Variants in PCDH9 observed in about 807,000 individuals in gnomAD.
PCDH9 encodes the protein protocadherin 9, also known as protocadherin-9.
In PCDH9, 24 loss-of-function variants were observed where a neutral mutation model predicts 70.6. The observed-to-expected ratio is 0.34, with a 90% CI of 0.25 to 0.48. PCDH9 has a LOEUF of 0.48. Among genes scored for constraint, PCDH9 ranks in the 20% least tolerant of loss-of-function variants. The pLI, the probability that PCDH9 is intolerant of heterozygous loss-of-function variation, is 0.99. For missense variants in PCDH9, 1,281 were observed against 1,503.6 expected, an observed-to-expected ratio of 0.85 and a Z score of 2.45; for synonymous variants, 562 against 558.5, an observed-to-expected ratio of 1.01 and a Z score of -0.09.
chr13:66,571,644 T>C (rs574288710), intron 4 of PCDH9, among the ~76,000 whole-genome samples: 37 of 152,228 alleles, frequency 2.4e-4, no homozygotes, highest in Middle Eastern at 3.4e-3. Context: ...ACTGTTGTTT[T>C]TGTATAATTA....
intron 4 of PCDH9, among the ~76,000 whole-genome samples, chr13:66,401,776 A>G (rs1018243012): frequency 4.0e-5 from 6 of 151,476 alleles, no homozygotes; most frequent in Admixed American, 1.3e-4. Context: ...CTCCTGCCCA[A>G]CTACTCAGAT....
intron 4 of PCDH9, among the ~76,000 whole-genome samples, chr13:66,606,580 A>T (rs2077225178): frequency 6.6e-6 from 1 of 152,150 alleles, no homozygotes; most frequent in African/African-American, 2.4e-5. Context: ...AATAATTTCC[A>T]CTAGGCATAT....
At chr13:66,536,073 T>C (rs1960689725) in intron 4 of PCDH9, among the ~76,000 whole-genome samples, 1 of 152,104 alleles carries the variant, frequency 6.6e-6, no homozygotes. Flanking sequence ...TCTGCTCCTC[T>C]TCCCCACCAC....
At chr13:66,483,491 T>G (rs1270879159) in intron 4 of PCDH9, among the ~76,000 whole-genome samples, 1 of 152,162 alleles carries the variant, frequency 6.6e-6, no homozygotes, top group Non-Finnish European at 1.5e-5. Flanking sequence ...ATGAAGTGAG[T>G]GTGAAACATG....
At chr13:67,133,501 G>A (rs535139246) in intron 2 of PCDH9, among the ~76,000 whole-genome samples, 3 of 152,188 alleles carry the variant, frequency 2.0e-5, no homozygotes, top group Non-Finnish European at 2.9e-5. Context: ...AATATAGGAT[G>A]CTTTACTGTC....
At chr13:66,874,914 A>AGTGTGTGTGT (rs36045690) in intron 3 of PCDH9, among the ~76,000 whole-genome samples, 9,635 of 136,702 alleles carry the variant, frequency 0.07, 375 homozygotes, top group South Asian at 0.12. Context: ...CAAAAGCAGC[A>AGTGTGTGTGT]GTGTGTGTGT....
chr13:66,887,667 G>A (rs966703265), intron 3 of PCDH9, among the ~76,000 whole-genome samples: 1 of 152,100 alleles, frequency 6.6e-6, no homozygotes, highest in East Asian at 1.9e-4. Flanking sequence ...ACATTCAGAA[G>A]TGAATATTAT....
chr13:66,624,318 A>T (rs2077471349), intron 4 of PCDH9, among the ~76,000 whole-genome samples: 1 of 152,232 alleles, frequency 6.6e-6, no homozygotes, highest in Non-Finnish European at 1.5e-5. Flanking sequence ...GATCATGTTA[A>T]TGAGTTAACT....
chr13:66,817,189 T>A (rs1277676049), intron 3 of PCDH9, among the ~76,000 whole-genome samples: 1 of 152,112 alleles, frequency 6.6e-6, no homozygotes, highest in Non-Finnish European at 1.5e-5. Context: ...GCCTTGAGAA[T>A]CCTCAGATTT....
At chr13:67,061,420 T>C (rs1440883361) in intron 2 of PCDH9, among the ~76,000 whole-genome samples, 3 of 152,054 alleles carry the variant, frequency 2.0e-5, no homozygotes. Context: ...TATATATATA[T>C]GTATATATGT....
intron 4 of PCDH9, among the ~76,000 whole-genome samples, chr13:66,522,469 T>C (rs549495173): frequency 6.6e-6 from 1 of 152,234 alleles, no homozygotes; most frequent in African/African-American, 2.4e-5. Context: ...TTGAAACAAC[T>C]GTCACATAGC....
intron 2 of PCDH9, among the ~76,000 whole-genome samples, chr13:66,949,469 C>T (rs1163148626): frequency 6.6e-6 from 1 of 152,096 alleles, no homozygotes; most frequent in Non-Finnish European, 1.5e-5. Context: ...AATCTTCTCA[C>T]TGTAAACAGC....
At chr13:66,325,666 A>C (rs1955830462) in intron 4 of PCDH9, among the ~76,000 whole-genome samples, 1 of 152,010 alleles carries the variant, frequency 6.6e-6, no homozygotes, top group Admixed American at 6.5e-5. Context: ...TATCACACAT[A>C]TTTTCTATAG....
chr13:67,067,110 T>C (rs1172741469), intron 2 of PCDH9, among the ~76,000 whole-genome samples: 2 of 152,136 alleles, frequency 1.3e-5, no homozygotes, highest in Non-Finnish European at 1.5e-5. Context: ...AAACCAAGAA[T>C]TTTAGCTGAA....
chr13:67,067,765 G>T (rs913242201), intron 2 of PCDH9, among the ~76,000 whole-genome samples: 1 of 138,950 alleles, frequency 7.2e-6, no homozygotes, highest in African/African-American at 2.7e-5. Flanking sequence ...GTTGATCATC[G>T]TGGGGAATAG....
chr13:67,167,170 A>G (rs961141855), intron 2 of PCDH9, among the ~76,000 whole-genome samples: 3 of 152,300 alleles, frequency 2.0e-5, no homozygotes, highest in African/African-American at 7.2e-5. Flanking sequence ...GGTTAAGAGC[A>G]TGATGAAATG....
chr13:66,880,279 CACTAA>C (rs2081899813), intron 3 of PCDH9: 1 of 152,148 alleles, frequency 6.6e-6, no homozygotes, highest in African/African-American at 2.4e-5. Flanking sequence ...ATCCATGAGA[CACTAA>C]ACACAGCTGC....
chr13:66,622,224 C>A (rs926839584), intron 4 of PCDH9, among the ~76,000 whole-genome samples: 4 of 152,340 alleles, frequency 2.6e-5, no homozygotes, highest in East Asian at 1.9e-4. Context: ...CATGCCTGAG[C>A]CTCCCCCGCT....
chr13:66,403,011 T>C (rs931397628), intron 4 of PCDH9, among the ~76,000 whole-genome samples: 1 of 151,800 alleles, frequency 6.6e-6, no homozygotes, highest in Non-Finnish European at 1.5e-5. Flanking sequence ...TCCTTAGACA[T>C]AAAAGCTTCT....
Sources: allele counts gnomAD v4.1 joint callset (sites outside exome capture counted in the v4.1 genomes callset), GRCh38; gene constraint gnomAD v4.1.1; transcripts MANE v1.5; gene names NCBI Gene and HGNC (gene_info 2026-07-23, HGNC 2026-07-21).